Variants in TMEM117 observed in about 807,000 individuals in gnomAD.
TMEM117 encodes transmembrane protein 117.
A neutral mutation model predicts 52.4 loss-of-function variants in TMEM117; 27 were observed. That is an observed-to-expected ratio of 0.51 (90% CI 0.38 to 0.71). The LOEUF is 0.71. Among genes scored for constraint, TMEM117 ranks in the 30% least tolerant of loss-of-function variants. TMEM117 has a pLI of 0.00. For synonymous variants in TMEM117, 215 were observed against 206.3 expected (o/e 1.04, Z -0.36); for missense variants, 556 against 630.5 (o/e 0.88, Z 1.26).
chr12:44,158,526 C>T (rs1287089252), intron 4 of TMEM117, among the ~76,000 whole-genome samples: 1 of 152,106 alleles, frequency 6.6e-6, no homozygotes, highest in African/African-American at 2.4e-5. Context: ...CTTGAAAGCA[C>T]TTGACAAGAC....
intron 5 of TMEM117, among the ~76,000 whole-genome samples, chr12:44,252,970 AAG>A (rs751862990): frequency 8.5e-5 from 13 of 152,322 alleles, no homozygotes; most frequent in Middle Eastern, 3.4e-3. Flanking sequence ...AGGTCGGAAA[AAG>A]AGGAGGAACA....
chr12:44,326,675 C>T (rs1951199981), intron 6 of TMEM117, among the ~76,000 whole-genome samples: 2 of 152,216 alleles, frequency 1.3e-5, no homozygotes, highest in African/African-American at 4.8e-5. Flanking sequence ...CAGCTCTGAT[C>T]ATATCACTCC....
chr12:43,882,117 T>C (rs564497233), intron 2 of TMEM117, among the ~76,000 whole-genome samples: 5 of 152,010 alleles, frequency 3.3e-5, no homozygotes, highest in Admixed American at 3.3e-4. Context: ...ACAAAGACTT[T>C]AAAAATGTAC....
chr12:43,958,025 A>T (rs1003528185), intron 3 of TMEM117, among the ~76,000 whole-genome samples: 8 of 152,198 alleles, frequency 5.3e-5, no homozygotes, highest in African/African-American at 1.9e-4. Context: ...AATTTCTGAA[A>T]CTTGGTGTTG....
At chr12:43,969,848 A>G (rs1945551963) in intron 3 of TMEM117, among the ~76,000 whole-genome samples, 1 of 152,172 alleles carries the variant, frequency 6.6e-6, no homozygotes, top group East Asian at 1.9e-4. Context: ...GCCTCCTGGA[A>G]ATACTGTATT....
intron 3 of TMEM117, among the ~76,000 whole-genome samples, chr12:43,995,583 T>C (rs73087605): frequency 6.6e-6 from 1 of 152,102 alleles, no homozygotes; most frequent in African/African-American, 2.4e-5. Context: ...TTTGGTTGCA[T>C]GGAAAAGTTC....
chr12:43,959,652 G>T (rs1168731344), intron 3 of TMEM117, among the ~76,000 whole-genome samples: 1 of 152,072 alleles, frequency 6.6e-6, no homozygotes, highest in Non-Finnish European at 1.5e-5. Context: ...TGGTCAGCCT[G>T]CTTCCATTGT....
chr12:44,106,180 G>A (rs1386521457), intron 3 of TMEM117, among the ~76,000 whole-genome samples: 1 of 152,064 alleles, frequency 6.6e-6, no homozygotes, highest in Non-Finnish European at 1.5e-5. Context: ...TCCAAGAAGA[G>A]TTGTTGATTT....
In TMEM117 at chr12:44,006,977, T is replaced by C. The variant is rs180736158; in HGVS notation, c.410+62635T>C. Among the ~76,000 whole-genome samples, 414 of 152,328 alleles carry C rather than the reference T, an allele frequency of 2.7e-3. 4 individuals carry two copies. The highest frequency in any genetic ancestry group is 9.4e-3 in the African/African-American group (390 of 41,566). ...CTTCCTCAGTTTAGAGACATACTTG[T>C]TTTCTTACTTTTTAGATATTTGTCC... is the stretch of plus-strand genomic sequence containing the variant. On this transcript the variant is annotated intron_variant, in intron 3 of 7. Transcript: ENST00000266534.
intron 6 of TMEM117, among the ~76,000 whole-genome samples, chr12:44,332,740 CACACACACAG>C (rs778284507): frequency 6.6e-6 from 1 of 150,438 alleles, no homozygotes; most frequent in Non-Finnish European, 1.5e-5. Context: ...CACACACACA[CACACACACAG>C]ACACACACAC....
At chr12:43,889,964 T>C (rs1452472302) in intron 2 of TMEM117, among the ~76,000 whole-genome samples, 1 of 152,096 alleles carries the variant, frequency 6.6e-6, no homozygotes, top group African/African-American at 2.4e-5. Flanking sequence ...CACAGGGAGC[T>C]CTGAAACTAG....
chr12:43,937,254 G>A (rs1439474684), intron 2 of TMEM117, among the ~76,000 whole-genome samples: 2 of 152,222 alleles, frequency 1.3e-5, no homozygotes, highest in African/African-American at 4.8e-5. Context: ...AAAGGGCTTA[G>A]TGGGAGCTTT....
intron 3 of TMEM117, among the ~76,000 whole-genome samples, chr12:44,063,102 A>G (rs560191316): frequency 3.9e-5 from 6 of 152,326 alleles, no homozygotes; most frequent in African/African-American, 1.4e-4. Flanking sequence ...CTCCTCCTGC[A>G]GAATGTGACT....
At chr12:44,072,796 A>G (rs1285559923) in intron 3 of TMEM117, among the ~76,000 whole-genome samples, 1 of 152,228 alleles carries the variant, frequency 6.6e-6, no homozygotes, top group Non-Finnish European at 1.5e-5. Flanking sequence ...AGCGATTTAG[A>G]AAACCACATT....
At chr12:43,936,899 G>T (rs1313834689) in intron 2 of TMEM117, among the ~76,000 whole-genome samples, 1 of 152,148 alleles carries the variant, frequency 6.6e-6, no homozygotes, top group Non-Finnish European at 1.5e-5. Context: ...AAAACAAGGA[G>T]AATGGGTGGA....
At chr12:44,212,993 T>G (rs1949667153) in intron 5 of TMEM117, among the ~76,000 whole-genome samples, 1 of 152,204 alleles carries the variant, frequency 6.6e-6, no homozygotes, top group Admixed American at 6.6e-5. Flanking sequence ...TATGATTTTT[T>G]AGCTGTGTAT....
At chr12:43,922,528 G>A (rs1664121509) in intron 2 of TMEM117, among the ~76,000 whole-genome samples, 1 of 152,168 alleles carries the variant, frequency 6.6e-6, no homozygotes, top group African/African-American at 2.4e-5. Flanking sequence ...TGGATTTTAT[G>A]TTAGCATGAC....
At chr12:44,201,519 A>C (rs1350931205) in intron 4 of TMEM117, among the ~76,000 whole-genome samples, 2 of 152,188 alleles carry the variant, frequency 1.3e-5, no homozygotes, top group Non-Finnish European at 2.9e-5. Context: ...ATGCCTAGAA[A>C]ATTGACACAA....
chr12:43,858,418 T>C (rs1004573378), intron 2 of TMEM117, among the ~76,000 whole-genome samples: 1 of 152,218 alleles, frequency 6.6e-6, no homozygotes, highest in African/African-American at 2.4e-5. Context: ...CACCACCTCC[T>C]GCCTGACCAG....
Sources: gnomAD v4.1 joint callset for allele counts (sites outside exome capture counted in the v4.1 genomes callset) on GRCh38, gnomAD v4.1.1 for gene constraint, MANE v1.5 for transcripts, NCBI Gene and HGNC (gene_info 2026-07-23, HGNC 2026-07-21) for gene names.